The following LRTM3 variants were observed in gnomAD, a reference collection of about 807,000 sequenced individuals.
LRTM3 encodes leucine rich repeat transmembrane protein 3.
At chr13:102,749,181 G>T in the LRTM3 span, 2 of 1,550,600 alleles carry the variant, frequency 1.3e-6, no homozygotes, top group South Asian at 1.2e-5. Flanking sequence ...ACTGTGATTT[G>T]AAATACTTGT....
chr13:102,734,911 T>A, the LRTM3 span: 1 of 1,551,190 alleles, frequency 6.4e-7, no homozygotes, highest in Non-Finnish European at 8.7e-7. Flanking sequence ...CATGTTTTCC[T>A]TTTTGTAGAT....
chr13:102,742,567 T>C, the LRTM3 span: 4 of 1,550,534 alleles, frequency 2.6e-6, no homozygotes, highest in Non-Finnish European at 3.5e-6. Flanking sequence ...TTATCTTTGC[T>C]TCTTGATCTA....
chr13:102,730,135 A>C, the LRTM3 span: 1 of 1,550,008 alleles, frequency 6.5e-7, no homozygotes, highest in Non-Finnish European at 8.7e-7. Context: ...AAGGTGGTGT[A>C]ATAATTAAGG....
At chr13:102,734,269 T>C in the LRTM3 span, 2 of 1,551,304 alleles carry the variant, frequency 1.3e-6, no homozygotes, top group East Asian at 4.9e-5. Flanking sequence ...TCCTTGCCTC[T>C]GCATCTGCTG....
At chr13:102,731,236 C>A in the LRTM3 span, 3 of 1,551,312 alleles carry the variant, frequency 1.9e-6, no homozygotes, top group Admixed American at 5.9e-5. Flanking sequence ...GAGGTGAATC[C>A]TTTTGGTGTT....
At chr13:102,734,300 G>A in the LRTM3 span, 1 of 1,551,312 alleles carries the variant, frequency 6.4e-7, no homozygotes, top group Non-Finnish European at 8.7e-7. Context: ...ATCTGGTAAT[G>A]CTGATGGCAT....
the LRTM3 span, chr13:102,734,492 T>A: frequency 6.4e-7 from 1 of 1,551,396 alleles, no homozygotes; most frequent in South Asian, 1.2e-5. Flanking sequence ...AATGTTCACA[T>A]GCAGTTCTGT....
chr13:102,746,311 A>G, the LRTM3 span: 241 of 1,550,824 alleles, frequency 1.6e-4, 2 homozygotes, highest in African/African-American at 2.9e-3. Context: ...CTTCCTTTCC[A>G]TCTTGCAATT....
the LRTM3 span, chr13:102,729,386 A>G: frequency 6.4e-6 from 8 of 1,245,586 alleles, no homozygotes; most frequent in African/African-American, 1.5e-5. Context: ...ATATGATTGT[A>G]TTTTTCACAG....
chr13:102,744,053 G>T, the LRTM3 span: 1 of 1,550,442 alleles, frequency 6.4e-7, no homozygotes, highest in Admixed American at 2.0e-5. Flanking sequence ...TTTGGATGTT[G>T]TACTCTTAGC....
the LRTM3 span, among the ~76,000 whole-genome samples, chr13:102,755,302 T>C: frequency 6.6e-6 from 1 of 150,886 alleles, no homozygotes; most frequent in Non-Finnish European, 1.5e-5. Flanking sequence ...ATTTTAACCA[T>C]TCTGATGCTT....
chr13:102,733,204 G>A, the LRTM3 span: 1 of 1,551,400 alleles, frequency 6.4e-7, no homozygotes, highest in South Asian at 1.2e-5. Flanking sequence ...GCTTTTTCAT[G>A]ACAATATCTT....
the LRTM3 span, chr13:102,737,344 T>C: frequency 6.4e-7 from 1 of 1,551,076 alleles, no homozygotes; most frequent in Non-Finnish European, 8.7e-7. Context: ...AGTCTTCCTC[T>C]CCTTCTTTTC....
At chr13:102,757,088 A>G in the LRTM3 span, among the ~76,000 whole-genome samples, 3 of 152,158 alleles carry the variant, frequency 2.0e-5, no homozygotes, top group Admixed American at 6.5e-5. Context: ...CTAATATCTC[A>G]AATGCTGAAT....
chr13:102,751,291 A>G, the LRTM3 span, among the ~76,000 whole-genome samples: 1 of 151,662 alleles, frequency 6.6e-6, no homozygotes, highest in South Asian at 2.1e-4. Flanking sequence ...GCAAGTCACC[A>G]CAATTGCTTA....
chr13:102,749,774 T>C, the LRTM3 span: 2 of 1,551,254 alleles, frequency 1.3e-6, no homozygotes, highest in Non-Finnish European at 1.7e-6. Flanking sequence ...ATAAAGACCT[T>C]GATTCTGAAA....
chr13:102,736,197 G>A, the LRTM3 span: 1 of 1,548,386 alleles, frequency 6.5e-7, no homozygotes, highest in Non-Finnish European at 8.7e-7. Context: ...TGGTGAGAGA[G>A]AGAAGGCATG....
the LRTM3 span, chr13:102,736,387 C>T: frequency 6.4e-7 from 1 of 1,551,092 alleles, no homozygotes; most frequent in Non-Finnish European, 8.7e-7. Flanking sequence ...CATTGGGGTG[C>T]ATCAGGCCAT....
chr13:102,729,484 G>C, the LRTM3 span: 1 of 1,461,180 alleles, frequency 6.8e-7, no homozygotes, highest in African/African-American at 1.4e-5. Flanking sequence ...GGGACCCCGA[G>C]AGCGACCCCA....
Sources: allele counts gnomAD v4.1 joint callset (sites outside exome capture counted in the v4.1 genomes callset), GRCh38; gene constraint gnomAD v4.1.1; transcripts MANE v1.5; gene names NCBI Gene and HGNC (gene_info 2026-07-23, HGNC 2026-07-21).